The following CAMK1D variants were observed in gnomAD, a reference collection of about 807,000 sequenced individuals.
CAMK1D encodes the protein calcium/calmodulin-dependent protein kinase type 1D.
Under a neutral mutation model 47.7 loss-of-function variants are expected in CAMK1D, and 9 were observed. That is an observed-to-expected ratio of 0.19 (90% CI 0.11 to 0.33). The LOEUF is 0.33. Among genes scored for constraint, CAMK1D ranks in the 10% least tolerant of loss-of-function variants. The pLI is 1.00. For missense variants in CAMK1D, 291 were observed against 488.7 expected (o/e 0.60, Z 3.81); for synonymous variants, 184 against 184.9 (o/e 0.99, Z 0.04).
chr10:12,787,575 C>T (rs558731550), intron 5 of CAMK1D, among the ~76,000 whole-genome samples: 8 of 152,288 alleles, frequency 5.3e-5, no homozygotes, highest in African/African-American at 1.9e-4. Context: ...GGGCATCCGC[C>T]GGGTCTTTGC....
intron 1 of CAMK1D, among the ~76,000 whole-genome samples, chr10:12,497,475 C>CAAAAA (rs56786154): frequency 1.1e-5 from 1 of 88,864 alleles, no homozygotes; most frequent in Non-Finnish European, 2.3e-5. Flanking sequence ...GACTCCATCT[C>CAAAAA]AAAAAAAAAA....
At chr10:12,444,299 C>G (rs923594686) in intron 1 of CAMK1D, among the ~76,000 whole-genome samples, 16 of 152,196 alleles carry the variant, frequency 1.1e-4, no homozygotes, top group African/African-American at 3.6e-4. Flanking sequence ...GATGGAGTTG[C>G]TCTGGTTCAA....
intron 4 of CAMK1D, among the ~76,000 whole-genome samples, chr10:12,767,326 C>T (rs1301804548): frequency 1.3e-5 from 2 of 151,810 alleles, no homozygotes; most frequent in Admixed American, 6.6e-5. Flanking sequence ...TACAGGCGCC[C>T]GCCACCATGC....
chr10:12,714,495 C>T (rs1834044883), intron 3 of CAMK1D, among the ~76,000 whole-genome samples: 1 of 152,036 alleles, frequency 6.6e-6, no homozygotes, highest in Non-Finnish European at 1.5e-5. Context: ...CCAAGGCAGG[C>T]GGATCACGAG....
intron 1 of CAMK1D, among the ~76,000 whole-genome samples, chr10:12,452,410 ATATT>A (rs1001462126): frequency 6.6e-6 from 1 of 151,836 alleles, no homozygotes; most frequent in South Asian, 2.1e-4. Flanking sequence ...GACTGAATAA[ATATT>A]TATACATTAT....
chr10:12,553,014 A>G (rs1355371589), intron 1 of CAMK1D, among the ~76,000 whole-genome samples: 2 of 152,104 alleles, frequency 1.3e-5, no homozygotes, highest in East Asian at 3.9e-4. Flanking sequence ...AAGTGTCGGG[A>G]TTACAGGCAT....
chr10:12,822,761 G>C (rs749627592), intron 8 of CAMK1D, among the ~76,000 whole-genome samples: 1 of 152,124 alleles, frequency 6.6e-6, no homozygotes, highest in African/African-American at 2.4e-5. Flanking sequence ...TGGGCTCTCC[G>C]GGGAAAAAAG....
chr10:12,766,902 G>A (rs1455988512), intron 4 of CAMK1D, among the ~76,000 whole-genome samples: 1 of 152,150 alleles, frequency 6.6e-6, no homozygotes, highest in Non-Finnish European at 1.5e-5. Context: ...GGGAGTCAGA[G>A]GAACCTGCCT....
At chr10:12,730,760 G>A (rs1834849091) in intron 3 of CAMK1D, among the ~76,000 whole-genome samples, 1 of 152,138 alleles carries the variant, frequency 6.6e-6, no homozygotes, top group African/African-American at 2.4e-5. Flanking sequence ...AGGAAGGAGT[G>A]GTCTCCAGGG....
At chr10:12,401,041 G>A (rs1257436068) in intron 1 of CAMK1D, among the ~76,000 whole-genome samples, 4 of 98,874 alleles carry the variant, frequency 4.0e-5, no homozygotes, top group Admixed American at 1.7e-4. Context: ...ATAAATATAT[G>A]TATTATATAT....
chr10:12,378,305 G>A (rs759335372), intron 1 of CAMK1D, among the ~76,000 whole-genome samples: 1 of 152,128 alleles, frequency 6.6e-6, no homozygotes, highest in Non-Finnish European at 1.5e-5. Context: ...AGGGTGAGGT[G>A]GTGCAATCAT....
At chr10:12,634,855 C>A (rs1839470364) in intron 2 of CAMK1D, among the ~76,000 whole-genome samples, 2 of 152,090 alleles carry the variant, frequency 1.3e-5, no homozygotes, top group African/African-American at 4.8e-5. Context: ...ATTTTGAGGT[C>A]ATGATGGTGG....
At chr10:12,585,469 G>A (rs904114170) in intron 2 of CAMK1D, among the ~76,000 whole-genome samples, 2 of 152,134 alleles carry the variant, frequency 1.3e-5, no homozygotes, top group Admixed American at 6.5e-5. Context: ...CCGTTTTCAC[G>A]CTGCTGATAA....
chr10:12,516,584 T>C (rs192613821), intron 1 of CAMK1D, among the ~76,000 whole-genome samples: 1 of 152,362 alleles, frequency 6.6e-6, no homozygotes, highest in East Asian at 1.9e-4. Flanking sequence ...AAAGCATCTA[T>C]GCCATTTTGT....
At chr10:12,685,966 C>A (rs1832644525) in intron 3 of CAMK1D, among the ~76,000 whole-genome samples, 4 of 152,174 alleles carry the variant, frequency 2.6e-5, no homozygotes, top group Admixed American at 2.6e-4. Flanking sequence ...ACAGCTGCCC[C>A]CTCTGCTATG....
intron 2 of CAMK1D, among the ~76,000 whole-genome samples, chr10:12,593,217 G>A (rs969945398): frequency 1.3e-5 from 2 of 152,144 alleles, no homozygotes; most frequent in African/African-American, 2.4e-5. Context: ...TAACGAACCC[G>A]TTTTAGGGCA....
intron 2 of CAMK1D, among the ~76,000 whole-genome samples, chr10:12,566,305 G>C (rs1837122833): frequency 6.6e-6 from 1 of 152,148 alleles, no homozygotes; most frequent in Non-Finnish European, 1.5e-5. Context: ...CCCTGTTGAA[G>C]CCTAAGGGAG....
intron 3 of CAMK1D, among the ~76,000 whole-genome samples, chr10:12,719,705 C>T (rs914424676): frequency 2.0e-5 from 3 of 152,188 alleles, no homozygotes; most frequent in Non-Finnish European, 2.9e-5. Flanking sequence ...TGAACCACTG[C>T]GTCCCTGCCA....
chr10:12,370,117 C>T (rs555148195), intron 1 of CAMK1D, among the ~76,000 whole-genome samples: 1 of 152,134 alleles, frequency 6.6e-6, no homozygotes, highest in Admixed American at 6.5e-5. Context: ...GTCAGTGATA[C>T]ATGGACTGCA....
Sources: allele counts gnomAD v4.1 joint callset (sites outside exome capture counted in the v4.1 genomes callset), GRCh38; gene constraint gnomAD v4.1.1; transcripts MANE v1.5; gene names NCBI Gene and HGNC (gene_info 2026-07-23, HGNC 2026-07-21).